LIPA: variants seen among roughly 807,000 people sequenced by gnomAD.
The protein encoded by LIPA is lipase A, lysosomal acid type, also known as lysosomal acid lipase/cholesteryl ester hydrolase.
Under a neutral mutation model 40.6 loss-of-function variants are expected in LIPA, and 26 were observed. The observed-to-expected ratio is 0.64, with a 90% CI of 0.47 to 0.89. The LOEUF (loss-of-function observed/expected upper bound fraction) is 0.89. LIPA is among the 40% of genes least tolerant of loss of function. The pLI is 0.00. For missense variants in LIPA, 455 were observed against 479.6 expected (o/e 0.95, Z 0.48); for synonymous variants, 188 against 168.4 (o/e 1.12, Z -0.90).
chr10:89,274,654 C>T (rs895199205), intron 1 of LIPA, among the ~76,000 whole-genome samples: 1 of 152,142 alleles, frequency 6.6e-6, no homozygotes, highest in African/African-American at 2.4e-5. Flanking sequence ...CCGTTTATTG[C>T]TGCTGAAATC....
chr10:89,312,212 G>A (rs1025031796), intron 1 of LIPA, among the ~76,000 whole-genome samples: 47 of 152,148 alleles, frequency 3.1e-4, no homozygotes, highest in Non-Finnish European at 6.6e-4. Context: ...AGGCTGAGGT[G>A]AGCGGATTGT....
intron 2 of LIPA, among the ~76,000 whole-genome samples, chr10:89,400,633 C>A (rs1844408687): frequency 6.6e-6 from 1 of 152,114 alleles, no homozygotes; most frequent in Non-Finnish European, 1.5e-5. Flanking sequence ...TTGTATCCTG[C>A]AATTTTGCTG....
intron 2 of LIPA, chr10:89,363,185 C>T (rs1227976607): frequency 9.4e-6 from 2 of 213,898 alleles, no homozygotes; most frequent in Non-Finnish European, 2.1e-5. Context: ...TAGGGCTTTG[C>T]TGCAGGAAAC....
intron 2 of LIPA, among the ~76,000 whole-genome samples, chr10:89,391,422 T>C (rs988504003): frequency 1.8e-4 from 28 of 151,422 alleles, no homozygotes; most frequent in African/African-American, 6.6e-4. Context: ...CCCTATGTTG[T>C]CCAGGCTGGT....
rs144112263 is a variant in LIPA, at chr10:89,228,464, A to T, written c.230-66T>A. 184 of 1,286,400 alleles carry T rather than the reference A, an allele frequency of 1.4e-4. 1 individual carries two copies. In the African/African-American group the frequency reaches 2.3e-3, roughly 16 times the overall value. 79.7% of individuals were successfully genotyped at this position (1,286,400 alleles called of 1,614,324 possible). On this transcript the variant is annotated intron_variant, in intron 3 of 9. Transcript: ENST00000336233. ...TTCAAAACAAATATGATATCTTGCT[A>T]AATAGAACATTCGTAAAAGATCCAT...
rs73359647 is a variant in LIPA at position 89,299,843 on chromosome 10, T to C, written c.-2+42768A>G. Among the ~76,000 whole-genome samples the C allele has an allele frequency of 6.9e-3, 1,051 of 152,184 alleles. 12 individuals are homozygous for C. The highest frequency in any genetic ancestry group is 0.024 in the African/African-American group (981 of 41,532). On this transcript the variant is annotated intron_variant, in intron 1 of 5. Transcript: ENST00000282673. Reference sequence around the variant, plus strand: ...GGAATGTAAATTAGTACAGTCATTATGGAAAACAGTATGGAAAGCTCTCAA... The same window carrying C: ...GGAATGTAAATTAGTACAGTCATTACGGAAAACAGTATGGAAAGCTCTCAA...
chr10:89,355,529 G>C (rs1484683664), intron 2 of LIPA, among the ~76,000 whole-genome samples: 1 of 152,188 alleles, frequency 6.6e-6, no homozygotes, highest in Non-Finnish European at 1.5e-5. Flanking sequence ...ACAACTATTA[G>C]AGACATTTGA....
At chr10:89,276,823 T>C (rs963351158) in intron 1 of LIPA, among the ~76,000 whole-genome samples, 1 of 152,240 alleles carries the variant, frequency 6.6e-6, no homozygotes, top group Non-Finnish European at 1.5e-5. Flanking sequence ...TATCAATTAA[T>C]TAATAATTAC....
intron 2 of LIPA, among the ~76,000 whole-genome samples, chr10:89,374,913 T>C (rs1178788000): frequency 1.3e-5 from 2 of 152,136 alleles, no homozygotes; most frequent in Non-Finnish European, 2.9e-5. Context: ...GAGATGGGAA[T>C]ATGTAGATTG....
chr10:89,300,756 G>A (rs1440488643), intron 1 of LIPA, among the ~76,000 whole-genome samples: 1 of 152,208 alleles, frequency 6.6e-6, no homozygotes, highest in Non-Finnish European at 1.5e-5. Flanking sequence ...GCAGGCCAAG[G>A]CGGGCAGATC....
chr10:89,373,348 A>C (rs987880074), intron 2 of LIPA, among the ~76,000 whole-genome samples: 2 of 150,992 alleles, frequency 1.3e-5, no homozygotes, highest in African/African-American at 4.9e-5. Flanking sequence ...AAAAAAAAAA[A>C]AAAAAAAAAA....
chr10:89,347,470 T>C (rs1274657706), upstream of LIPA, among the ~76,000 whole-genome samples: 1 of 152,204 alleles, frequency 6.6e-6, no homozygotes, highest in African/African-American at 2.4e-5. Context: ...CCAAGTTCCC[T>C]GATGTTAGCC....
chr10:89,252,178 A>C (rs1166178532), upstream of LIPA: 3 of 152,248 alleles, frequency 2.0e-5, no homozygotes, highest in Non-Finnish European at 4.4e-5. Context: ...AAAGTGAATC[A>C]TGGGCTCCAT....
intron 2 of LIPA, among the ~76,000 whole-genome samples, chr10:89,376,567 A>T (rs1459813306): frequency 6.6e-6 from 1 of 152,224 alleles, no homozygotes; most frequent in Non-Finnish European, 1.5e-5. Flanking sequence ...ATCTGAGAGC[A>T]TCATTAACAC....
At chr10:89,355,510 A>G (rs2133588998) in intron 2 of LIPA, among the ~76,000 whole-genome samples, 1 of 152,360 alleles carries the variant, frequency 6.6e-6, no homozygotes, top group African/African-American at 2.4e-5. Flanking sequence ...AGTTGAAATT[A>G]TAAAGGATAC....
chr10:89,321,560 T>C (rs1357078349), intron 1 of LIPA, among the ~76,000 whole-genome samples: 2 of 152,162 alleles, frequency 1.3e-5, no homozygotes, highest in Non-Finnish European at 2.9e-5. Flanking sequence ...CATTAAAAAG[T>C]CAGTAACAAC....
chr10:89,396,397 G>A (rs1031381296), intron 2 of LIPA, among the ~76,000 whole-genome samples: 2 of 152,194 alleles, frequency 1.3e-5, no homozygotes, highest in Non-Finnish European at 2.9e-5. Flanking sequence ...TCAGCTTCTG[G>A]TGAGGGCTTT....
chr10:89,343,550 G>C (rs561040435), upstream of LIPA, among the ~76,000 whole-genome samples: 26 of 152,336 alleles, frequency 1.7e-4, no homozygotes, highest in Non-Finnish European at 3.5e-4. Context: ...GAGGGCAGGA[G>C]AAGGTCAAAG....
At chr10:89,345,254 C>T (rs10159512), upstream of LIPA, among the ~76,000 whole-genome samples, 10,506 of 151,648 alleles carry the variant, frequency 0.069, 912 homozygotes, top group African/African-American at 0.2. Context: ...ATAGGCCGGG[C>T]GCAGTGCCTC....
Sources: allele counts gnomAD v4.1 joint callset (sites outside exome capture counted in the v4.1 genomes callset), GRCh38; gene constraint gnomAD v4.1.1; transcripts MANE v1.5; gene names NCBI Gene and HGNC (gene_info 2026-07-23, HGNC 2026-07-21).